Variants in HTR7 observed in about 807,000 individuals in gnomAD.
HTR7 encodes 5-HT-7.
Under a neutral mutation model 34.0 loss-of-function variants are expected in HTR7, and 16 were observed. The observed-to-expected ratio is 0.47, with a 90% confidence interval of 0.32 to 0.71. The LOEUF is 0.71. HTR7 is among the 30% of genes least tolerant of loss of function. The pLI is 0.04. For synonymous variants in HTR7, 265 were observed against 260.2 expected, an observed-to-expected ratio of 1.02 and a Z score of -0.18; for missense variants, 504 against 625.5, an observed-to-expected ratio of 0.81 and a Z score of 2.07.
chr10:90,840,825 C>G (rs1395161847), intron 1 of HTR7, among the ~76,000 whole-genome samples: 1 of 152,156 alleles, frequency 6.6e-6, no homozygotes, highest in Non-Finnish European at 1.5e-5. Flanking sequence ...AGATGACTAT[C>G]CTGAAACTCA....
At chr10:90,770,588 C>G (rs1488767726) in intron 1 of HTR7, among the ~76,000 whole-genome samples, 2 of 152,190 alleles carry the variant, frequency 1.3e-5, no homozygotes, top group Non-Finnish European at 2.9e-5. Flanking sequence ...GGATTGGGGC[C>G]GAGCCCGGGC....
chr10:90,769,219 T>C (rs1845069659), intron 1 of HTR7, among the ~76,000 whole-genome samples: 1 of 152,232 alleles, frequency 6.6e-6, no homozygotes, highest in African/African-American at 2.4e-5. Flanking sequence ...TTTAAAAGCA[T>C]ATAAAACTGT....
chr10:90,807,097 A>G (rs1421363858), intron 1 of HTR7, among the ~76,000 whole-genome samples: 4 of 152,234 alleles, frequency 2.6e-5, no homozygotes, highest in African/African-American at 9.6e-5. Flanking sequence ...CTGATTTTGG[A>G]GTAGTATCTT....
rs962827847 is a variant in HTR7 at position 90,857,787 on chromosome 10, G to T, written c.-116C>A. 13 of 1,031,606 alleles carry T rather than the reference G, an allele frequency of 1.3e-5. No individual in the cohort carries two copies. In the African/African-American group the frequency reaches 2.0e-4, roughly 16 times the overall value. 63.9% of individuals were successfully genotyped at this position (1,031,606 alleles called of 1,614,324 possible). ...TCCGCCCGGCCCAGCCATGGGGCCC[G>T]CGCCGACCGCTGGGGGGCGCCTGGC... On this transcript the variant is annotated 5_prime_UTR_variant, in exon 1 of 4. Coordinates refer to ENST00000336152, the MANE Select transcript of HTR7 (RefSeq NM_019859.4). This position sits in a 1 kb window ranked among gnomAD's most constrained non-coding sequence, Gnocchi z 6.5.
chr10:90,793,022 C>T (rs1394706932), intron 1 of HTR7, among the ~76,000 whole-genome samples: 1 of 152,054 alleles, frequency 6.6e-6, no homozygotes, highest in African/African-American at 2.4e-5. Context: ...CACCAAAGCA[C>T]AGGCAGCAAA....
At chr10:90,755,705 A>T (rs1261536010) in intron 1 of HTR7, among the ~76,000 whole-genome samples, 2 of 152,250 alleles carry the variant, frequency 1.3e-5, no homozygotes, top group African/African-American at 4.8e-5. Context: ...AATGATGATG[A>T]TGATAAAAAC....
rs377590533 is a variant in HTR7, at chr10:90,837,762, A to C, written c.539+19371T>G. ...TTTGACTTCCAGGTGAGTGCCTATCAGCAAAACTTCTTGGAAGAGTTGCTT... is the reference window on the plus strand; with the variant it reads ...TTTGACTTCCAGGTGAGTGCCTATCCGCAAAACTTCTTGGAAGAGTTGCTT... On this transcript the variant is annotated intron_variant, in intron 1 of 3. Transcript: ENST00000336152. Among the ~76,000 whole-genome samples, 385 of 152,328 alleles carry C rather than the reference A, an allele frequency of 2.5e-3. 1 individual carries two copies. The highest frequency in any genetic ancestry group is 0.01 in the Middle Eastern group (3 of 294).
At chr10:90,812,076 G>C (rs1181245987) in intron 1 of HTR7, among the ~76,000 whole-genome samples, 1 of 152,122 alleles carries the variant, frequency 6.6e-6, no homozygotes, top group Non-Finnish European at 1.5e-5. Context: ...ACTTAAAAAG[G>C]ACTGGACAAT....
intron 1 of HTR7, among the ~76,000 whole-genome samples, chr10:90,850,606 A>G (rs1846482770): frequency 6.6e-6 from 1 of 152,236 alleles, no homozygotes; most frequent in Non-Finnish European, 1.5e-5. Context: ...GAAGAGTCAA[A>G]CTATGATTAA....
rs765220375 is a variant in HTR7 at position 90,857,526 on chromosome 10, A to T, written c.146T>A (p.Leu49Gln). 1 of 1,609,200 alleles carries T rather than the reference A, an allele frequency of 6.2e-7. No homozygotes were observed. Among genetic ancestry groups the T allele is most frequent in the Non-Finnish European group, 8.5e-7 (1 of 1,178,374 alleles). ...PVAGSWAPHL[L>Q]SEVTASPAPT... Reference sequence around the variant, plus strand: ...CGCCGGGCTGGCTGTCACCTCGCTCAGCAGGTGCGGCGCCCAGGAGCCCGC... The same window carrying T: ...CGCCGGGCTGGCTGTCACCTCGCTCTGCAGGTGCGGCGCCCAGGAGCCCGC... The change falls in exon 1 of 4, where the codon CTG becomes CAG. Residue 49 changes from leucine to glutamine, a missense_variant. Physicochemically the swap from Leu to Gln is moderately radical, Grantham distance 113 (BLOSUM62 -2). This residue lies in a region of HTR7 where 139 missense variants were observed against 117.1 expected (regional missense o/e 1.19). Transcript: ENST00000336152. This position sits in a 1 kb window ranked among gnomAD's most constrained non-coding sequence, Gnocchi z 6.5.
At chr10:90,829,698 T>C (rs982141758) in intron 1 of HTR7, among the ~76,000 whole-genome samples, 2 of 152,226 alleles carry the variant, frequency 1.3e-5, no homozygotes, top group Non-Finnish European at 2.9e-5. Context: ...TTGCAGATGA[T>C]ATGAACTTAC....
intron 1 of HTR7, among the ~76,000 whole-genome samples, chr10:90,753,968 T>G (rs1197773870): frequency 1.3e-5 from 2 of 152,072 alleles, no homozygotes; most frequent in Non-Finnish European, 2.9e-5. Flanking sequence ...TCAACTAAAA[T>G]ATCAATAGTA....
At chr10:90,777,792 C>T (rs934869663) in intron 1 of HTR7, among the ~76,000 whole-genome samples, 1 of 152,228 alleles carries the variant, frequency 6.6e-6, no homozygotes, top group African/African-American at 2.4e-5. Flanking sequence ...TTCAGGGAAA[C>T]AAGGAGTTGG....
At position 90,845,239 on chromosome 10, in the gene HTR7, T is replaced by G. The variant is rs951550686; in HGVS notation, c.539+11894A>C. Among the ~76,000 whole-genome samples, 5 of 152,210 alleles carry G rather than the reference T, an allele frequency of 3.3e-5. No homozygotes were observed. In the East Asian group the frequency reaches 9.6e-4, roughly 29 times the overall value. On this transcript the variant is annotated intron_variant, in intron 1 of 3. Coordinates refer to ENST00000336152, the MANE Select transcript of HTR7 (RefSeq NM_019859.4). ...GGTGCGGAAGTAAGAGCACTATTTC[T>G]GTTCTGATGTAGTGTTGAAAAGGAG...
chr10:90,811,771 A>C (rs531161417), intron 1 of HTR7, among the ~76,000 whole-genome samples: 1 of 152,038 alleles, frequency 6.6e-6, no homozygotes, highest in Non-Finnish European at 1.5e-5. Context: ...AAACTAAAAT[A>C]CCTCTTATTC....
At chr10:90,815,175 T>G (rs1257253270) in intron 1 of HTR7, among the ~76,000 whole-genome samples, 3 of 151,612 alleles carry the variant, frequency 2.0e-5, no homozygotes, top group Admixed American at 6.6e-5. Context: ...CACCGCAACC[T>G]CTGCCTCTTA....
chr10:90,790,133 G>A (rs942200437), intron 1 of HTR7, among the ~76,000 whole-genome samples: 10 of 152,156 alleles, frequency 6.6e-5, no homozygotes, highest in Admixed American at 6.5e-5. Context: ...CATGTGGAAT[G>A]AAAATGTGTT....
intron 1 of HTR7, among the ~76,000 whole-genome samples, chr10:90,764,884 G>A (rs554344932): frequency 7.2e-5 from 11 of 152,040 alleles, no homozygotes; most frequent in South Asian, 2.1e-4. Context: ...CTAATGTGGT[G>A]TATCATATTT....
rs560246135 is a variant in HTR7, at chr10:90,847,154, G to A, written c.539+9979C>T. On this transcript the variant is annotated intron_variant, in intron 1 of 3. Transcript: ENST00000336152. ...CATACAAACTGTATGTCCTTGTCAA[G>A]TCACTTCTACCCTCTGAGCCTCAAG... Among the ~76,000 whole-genome samples the A allele has an allele frequency of 1.2e-4, 18 of 152,268 alleles. No homozygotes were observed. In the East Asian group the frequency reaches 2.1e-3, roughly 18 times the overall value.
Sources: gnomAD v4.1 joint callset for allele counts (sites outside exome capture counted in the v4.1 genomes callset) on GRCh38, gnomAD v4.1.1 for gene constraint, gnomAD v4.1.1 regional missense constraint, Gnocchi (gnomAD v3.1) non-coding constraint, MANE v1.5 for transcripts, NCBI Gene and HGNC (gene_info 2026-07-23, HGNC 2026-07-21) for gene names.